Variants in CAMK1D observed in about 807,000 individuals in gnomAD.
CAMK1D encodes the protein calcium/calmodulin dependent protein kinase ID, also known as calcium/calmodulin-dependent protein kinase type 1D.
In CAMK1D, 9 loss-of-function variants were observed where a neutral mutation model predicts 47.7. The ratio of observed to expected loss-of-function variants is 0.19; its 90% CI spans 0.11 to 0.33. The LOEUF is 0.33. Among genes scored for constraint, CAMK1D ranks in the 10% least tolerant of loss-of-function variants. CAMK1D has a pLI of 1.00. For synonymous variants in CAMK1D, 184 were observed against 184.9 expected (o/e 0.99, Z 0.04); for missense variants, 291 against 488.7 (o/e 0.60, Z 3.81).
At chr10:12,777,555 T>A (rs1837314087) in intron 5 of CAMK1D, among the ~76,000 whole-genome samples, 1 of 151,814 alleles carries the variant, frequency 6.6e-6, no homozygotes. Context: ...TATATTTTTA[T>A]TAGAGACGGG....
chr10:12,576,122 T>C (rs1837482569), intron 2 of CAMK1D, among the ~76,000 whole-genome samples: 1 of 152,252 alleles, frequency 6.6e-6, no homozygotes, highest in Non-Finnish European at 1.5e-5. Flanking sequence ...GCATTGTTCC[T>C]AAGTAAAATA....
chr10:12,721,438 T>C (rs1454272569), intron 3 of CAMK1D, among the ~76,000 whole-genome samples: 2 of 152,152 alleles, frequency 1.3e-5, no homozygotes, highest in Non-Finnish European at 2.9e-5. Context: ...TGGGAGCAGA[T>C]CAAAATCTGG....
intron 1 of CAMK1D, among the ~76,000 whole-genome samples, chr10:12,361,681 G>A (rs969938302): frequency 1.3e-5 from 2 of 149,970 alleles, no homozygotes; most frequent in African/African-American, 2.5e-5. Flanking sequence ...TCAGCCTCCC[G>A]AGTAGCTGGG....
intron 10 of CAMK1D, among the ~76,000 whole-genome samples, chr10:12,828,354 C>T (rs1483099774): frequency 7.4e-6 from 1 of 135,706 alleles, no homozygotes; most frequent in East Asian, 2.1e-4. Context: ...ATTTGGGTCC[C>T]CGCAAGTTGG....
chr10:12,665,869 G>A (rs906751278), intron 2 of CAMK1D, among the ~76,000 whole-genome samples: 11 of 152,248 alleles, frequency 7.2e-5, no homozygotes, highest in South Asian at 2.1e-4. Context: ...ACCTGCTGAC[G>A]CAGGGCCTGC....
At chr10:12,570,392 T>G (rs979397758) in intron 2 of CAMK1D, among the ~76,000 whole-genome samples, 1 of 151,778 alleles carries the variant, frequency 6.6e-6, no homozygotes, top group Non-Finnish European at 1.5e-5. Flanking sequence ...TTCAGATCTA[T>G]GAGGGGCTGG....
intron 2 of CAMK1D, among the ~76,000 whole-genome samples, chr10:12,604,893 CTTT>C (rs35403180): frequency 6.9e-6 from 1 of 144,842 alleles, no homozygotes. Context: ...CCTTTTTTTT[CTTT>C]TTTTTTTTTG....
chr10:12,699,475 C>T (rs537816943), intron 3 of CAMK1D, among the ~76,000 whole-genome samples: 1 of 152,206 alleles, frequency 6.6e-6, no homozygotes, highest in African/African-American at 2.4e-5. Flanking sequence ...GAGATCTCTG[C>T]TCTTGTCTGA....
chr10:12,834,709 A>C lies in CAMK1D; in HGVS notation c.*5822A>C, dbSNP rs751849684. 2.6e-5 allele frequency: 4 copies of C among 152,180 alleles called. No homozygotes were observed. Among genetic ancestry groups the C allele is most frequent in the African/African-American group, 4.8e-5 (2 of 41,444 alleles). 9.4% of individuals were successfully genotyped at this position (152,180 alleles called of 1,614,324 possible). On this transcript the variant is annotated 3_prime_UTR_variant, in exon 11 of 11. Coordinates refer to ENST00000619168, the MANE Select transcript of CAMK1D (RefSeq NM_153498.4). Reference sequence around the variant, plus strand: ...CTTATGGACAGGAAAAAAGAAAATGAGGAGGAGTTGGTTTTACTCTTAGAG... The same window carrying C: ...CTTATGGACAGGAAAAAAGAAAATGCGGAGGAGTTGGTTTTACTCTTAGAG...
chr10:12,450,334 A>G (rs1444013039), intron 1 of CAMK1D, among the ~76,000 whole-genome samples: 1 of 152,182 alleles, frequency 6.6e-6, no homozygotes, highest in East Asian at 1.9e-4. Context: ...CGTGTGGGGA[A>G]TGAGGAGGTG....
chr10:12,739,463 G>A (rs1001909639), intron 3 of CAMK1D, among the ~76,000 whole-genome samples: 7 of 57,810 alleles, frequency 1.2e-4, no homozygotes, highest in African/African-American at 4.4e-4. Context: ...TTTTTTTTTT[G>A]TATTTTCAGT....
chr10:12,792,754 C>T (rs184644303), intron 6 of CAMK1D, among the ~76,000 whole-genome samples: 1 of 152,180 alleles, frequency 6.6e-6, no homozygotes, highest in Non-Finnish European at 1.5e-5. Context: ...TATACTTGGC[C>T]TAAAGGACTC....
intron 3 of CAMK1D, 101 bp downstream of exon 3, chr10:12,666,911 G>A: frequency 1.1e-6 from 1 of 949,550 alleles, no homozygotes. Flanking sequence ...GGCCAGGTAA[G>A]GCAGTAGGGA....
Position 12,475,194 on chromosome 10 carries a change from A to G in CAMK1D, c.93-78031A>G, listed in dbSNP as rs572604825. On this transcript the variant is annotated intron_variant, in intron 1 of 10. Transcript: ENST00000619168. ...CGGTGGCATTGAGTACATTCACATT[A>G]TTGCGCAACCATCACCACCATCCAT... Among the ~76,000 whole-genome samples the G allele has an allele frequency of 1.3e-4, 20 of 152,236 alleles. 2 individuals carry two copies. In the South Asian group the frequency reaches 4.1e-3, roughly 32 times the overall value.
intron 2 of CAMK1D, among the ~76,000 whole-genome samples, chr10:12,665,112 A>G (rs1380312560): frequency 6.6e-6 from 1 of 152,186 alleles, no homozygotes; most frequent in Admixed American, 6.5e-5. Context: ...GGCTGGTAGT[A>G]TCTTGCTCAG....
intron 3 of CAMK1D, among the ~76,000 whole-genome samples, chr10:12,742,308 A>C (rs1010511122): frequency 3.3e-5 from 5 of 152,042 alleles, no homozygotes; most frequent in Non-Finnish European, 7.4e-5. Context: ...CTAACTTTTA[A>C]ATTTTTAGTA....
At chr10:12,677,452 C>T (rs979290986) in intron 3 of CAMK1D, among the ~76,000 whole-genome samples, 2 of 152,046 alleles carry the variant, frequency 1.3e-5, no homozygotes, top group African/African-American at 2.4e-5. Flanking sequence ...TTGGGGGATA[C>T]AGACAAGACA....
chr10:12,718,986 C>G (rs1434221377), intron 3 of CAMK1D, among the ~76,000 whole-genome samples: 1 of 152,194 alleles, frequency 6.6e-6, no homozygotes, highest in East Asian at 1.9e-4. Context: ...CACTCTTGGG[C>G]ACTTCCACAT....
Position 12,596,913 on chromosome 10 carries a change from G to T in CAMK1D, c.224+43557G>T, listed in dbSNP as rs762230768. Among the ~76,000 whole-genome samples the T allele has an allele frequency of 2.0e-5, 3 of 151,580 alleles. No individual in the cohort carries two copies. The South Asian group carries it at 6.2e-4, about 32-fold the overall frequency. The stretch of plus-strand genomic sequence containing the variant: ...GGTGTCTTTATTAACATTCCCACTG[G>T]TTTAGAGATTGAAAGCAAAGTTCCT... On this transcript the variant is annotated intron_variant, in intron 2 of 10. Coordinates refer to ENST00000619168, the MANE Select transcript of CAMK1D (RefSeq NM_153498.4).
Sources: gnomAD v4.1 joint callset for allele counts (sites outside exome capture counted in the v4.1 genomes callset) on GRCh38, gnomAD v4.1.1 for gene constraint, MANE v1.5 for transcripts, NCBI Gene and HGNC (gene_info 2026-07-23, HGNC 2026-07-21) for gene names.